NAV3: variants seen among roughly 807,000 people sequenced by gnomAD.
The protein encoded by NAV3 is pore membrane and/or filament interacting like protein 1.
Under a neutral mutation model 244.7 loss-of-function variants are expected in NAV3, and 87 were observed. The observed-to-expected ratio is 0.36, with a 90% confidence interval of 0.30 to 0.42. The LOEUF (loss-of-function observed/expected upper bound fraction) is 0.42. Ranked by LOEUF, NAV3 falls within the 20% of genes least tolerant of loss-of-function variation. NAV3 has a pLI of 1.00. For missense variants in NAV3, 2,663 were observed against 2,893.3 expected, an observed-to-expected ratio of 0.92 and a Z score of 1.83; for synonymous variants, 1,126 against 1,042.2, an observed-to-expected ratio of 1.08 and a Z score of -1.55.
intron 38 of NAV3, among the ~76,000 whole-genome samples, chr12:78,200,916 C>T (rs1959603008): frequency 6.6e-6 from 1 of 152,056 alleles, no homozygotes; most frequent in African/African-American, 2.4e-5. Flanking sequence ...GCCATGTTTA[C>T]ATGAGCCTTG....
At position 78,197,234 on chromosome 12, in the gene NAV3, C is replaced by T. The variant is rs1487653745; in HGVS notation, c.6292-13C>T. The T allele has an allele frequency of 2.0e-6, 3 of 1,509,604 alleles. No individual in the cohort carries two copies. The highest frequency in any genetic ancestry group is 2.8e-5 in the African/African-American group (2 of 71,056). 93.5% of individuals were successfully genotyped at this position (1,509,604 alleles called of 1,614,324 possible). On this transcript the variant is annotated splice_polypyrimidine_tract_variant and intron_variant, in intron 34 of 39. Coordinates refer to ENST00000397909, the MANE Select transcript of NAV3 (RefSeq NM_001024383.2). ...TTATCACTGACGTATCTGTTTTCTT[C>T]ATTTTTTAAAAGGAATTGCAACAAT...
At chr12:77,672,161 A>G (rs1048566171) in intron 2 of NAV3, among the ~76,000 whole-genome samples, 4 of 152,196 alleles carry the variant, frequency 2.6e-5, no homozygotes, top group African/African-American at 9.6e-5. Flanking sequence ...AAAATGCTCA[A>G]CATCACTAAC....
At chr12:77,826,632 A>G (rs1488547354), upstream of NAV3, among the ~76,000 whole-genome samples, 1 of 152,248 alleles carries the variant, frequency 6.6e-6, no homozygotes, top group Non-Finnish European at 1.5e-5. Flanking sequence ...CTAATGTTAC[A>G]TATAACACAT....
chr12:77,958,299 G>A (rs1252749548), intron 3 of NAV3, among the ~76,000 whole-genome samples: 1 of 152,142 alleles, frequency 6.6e-6, no homozygotes, highest in Non-Finnish European at 1.5e-5. Context: ...TATGAAAATA[G>A]TGGCTGTGTC....
intron 1 of NAV3, among the ~76,000 whole-genome samples, chr12:77,869,477 G>T (rs2136434649): frequency 6.6e-6 from 1 of 152,180 alleles, no homozygotes; most frequent in East Asian, 1.9e-4. Context: ...TTGTCTTAAT[G>T]CATATGACCC....
At chr12:77,959,411 G>T (rs1270045487) in intron 3 of NAV3, among the ~76,000 whole-genome samples, 1 of 151,834 alleles carries the variant, frequency 6.6e-6, no homozygotes, top group Non-Finnish European at 1.5e-5. Flanking sequence ...AGTGAAAGGG[G>T]CTATGATGTG....
chr12:77,854,930 A>T (rs1484659350), intron 1 of NAV3, among the ~76,000 whole-genome samples: 1 of 152,160 alleles, frequency 6.6e-6, no homozygotes, highest in Non-Finnish European at 1.5e-5. Context: ...GATTGAGACC[A>T]TCCTGGCTAA....
At chr12:77,771,307 C>T (rs1406685415) in intron 2 of NAV3, among the ~76,000 whole-genome samples, 1 of 152,212 alleles carries the variant, frequency 6.6e-6, no homozygotes, top group East Asian at 1.9e-4. Flanking sequence ...CACTTTTACA[C>T]TGTTGGTGGG....
Position 77,948,963 on chromosome 12 carries a change from G to C in NAV3, c.414+7830G>C, listed in dbSNP as rs1056541158. 2.0e-5 allele frequency among the ~76,000 whole-genome samples: 3 copies of C among 151,854 alleles called. No homozygotes were observed. The East Asian group carries it at 5.8e-4, about 29-fold the overall frequency. ...GCAAAATTTATCTTTGATCAGATAA[G>C]TATTTTGAAATGTAGTAGATATGCC... On this transcript the variant is annotated intron_variant, in intron 3 of 39. Coordinates refer to ENST00000397909, the MANE Select transcript of NAV3 (RefSeq NM_001024383.2).
intron 5 of NAV3, among the ~76,000 whole-genome samples, chr12:77,993,342 G>T (rs2136382100): frequency 6.6e-6 from 1 of 152,174 alleles, no homozygotes; most frequent in Non-Finnish European, 1.5e-5. Flanking sequence ...TTCACAAAAG[G>T]CTTTTCCTCA....
intron 6 of NAV3, 86 bp from the exon 7 acceptor site, chr12:77,998,251 T>C (rs1872683394): frequency 1.0e-6 from 1 of 968,990 alleles, no homozygotes; most frequent in Non-Finnish European, 1.5e-6. Context: ...ACATCATATG[T>C]TGTAAATTTC....
intron 2 of NAV3, among the ~76,000 whole-genome samples, chr12:77,808,381 G>A (rs1872095983): frequency 1.3e-5 from 2 of 152,056 alleles, no homozygotes; most frequent in Non-Finnish European, 2.9e-5. Flanking sequence ...CCTTTTTGTT[G>A]GTTTTGTTGC....
chr12:78,078,096 G>C (rs1253603479), intron 12 of NAV3, among the ~76,000 whole-genome samples: 1 of 152,012 alleles, frequency 6.6e-6, no homozygotes, highest in African/African-American at 2.4e-5. Context: ...TGTCTTCCCT[G>C]TGTGTGTCTG....
chr12:78,086,997 T>C (rs935647502), intron 12 of NAV3, among the ~76,000 whole-genome samples: 2 of 152,070 alleles, frequency 1.3e-5, no homozygotes, highest in African/African-American at 4.8e-5. Flanking sequence ...CTACAGCCTG[T>C]AGCCCATATT....
chr12:77,821,575 G>T (rs980926834), intron 2 of NAV3, among the ~76,000 whole-genome samples: 1 of 152,106 alleles, frequency 6.6e-6, no homozygotes, highest in South Asian at 2.1e-4. Flanking sequence ...TACAACCATT[G>T]CAAATGACAT....
At chr12:78,011,098 C>A (rs1194547210) in intron 8 of NAV3, among the ~76,000 whole-genome samples, 1 of 151,992 alleles carries the variant, frequency 6.6e-6, no homozygotes, top group Non-Finnish European at 1.5e-5. Context: ...GACAAAATGT[C>A]AAGAATTAAA....
intron 2 of NAV3, among the ~76,000 whole-genome samples, chr12:77,686,949 A>G (rs528630002): frequency 2.0e-5 from 3 of 152,254 alleles, no homozygotes; most frequent in African/African-American, 7.2e-5. Context: ...GTGCATGTCC[A>G]TGACTCAATG....
At chr12:77,902,726 T>C (rs1885456296) in intron 1 of NAV3, among the ~76,000 whole-genome samples, 1 of 152,154 alleles carries the variant, frequency 6.6e-6, no homozygotes, top group Non-Finnish European at 1.5e-5. Flanking sequence ...GATGACATGA[T>C]TGTATATCTA....
intron 2 of NAV3, among the ~76,000 whole-genome samples, chr12:77,753,484 T>C (rs1364160576): frequency 6.6e-6 from 1 of 152,218 alleles, no homozygotes; most frequent in Non-Finnish European, 1.5e-5. Flanking sequence ...GACAGCTTCT[T>C]GGATGCAGCA....
Sources: allele counts gnomAD v4.1 joint callset (sites outside exome capture counted in the v4.1 genomes callset), GRCh38; gene constraint gnomAD v4.1.1; transcripts MANE v1.5; gene names NCBI Gene and HGNC (gene_info 2026-07-23, HGNC 2026-07-21).